Variants in SH3RF3 observed in about 807,000 individuals in gnomAD.
SH3RF3 encodes the protein SH3 domain containing ring finger 3.
Under a neutral mutation model 66.3 loss-of-function variants are expected in SH3RF3, and 29 were observed. The ratio of observed to expected loss-of-function variants is 0.44; its 90% CI spans 0.33 to 0.60. The LOEUF (loss-of-function observed/expected upper bound fraction) is 0.60, where lower values mean the gene tolerates loss of function less well. Among genes scored for constraint, SH3RF3 ranks in the 20% least tolerant of loss-of-function variants. The pLI, the probability that SH3RF3 is intolerant of heterozygous loss-of-function variation, is 0.04. For synonymous variants in SH3RF3, 583 were observed against 532.0 expected (o/e 1.10, Z -1.32); for missense variants, 1,194 against 1,190.9 (o/e 1.00, Z -0.04).
chr2:109,388,008 A>G (rs2104402222), intron 3 of SH3RF3, among the ~76,000 whole-genome samples: 1 of 152,256 alleles, frequency 6.6e-6, no homozygotes, highest in East Asian at 1.9e-4. Context: ...AGGAGTCGAC[A>G]GAAGCTTTGT....
chr2:109,312,236 G>T (rs143391432), intron 1 of SH3RF3, among the ~76,000 whole-genome samples: 184 of 152,190 alleles, frequency 1.2e-3, no homozygotes, highest in African/African-American at 4.1e-3. Flanking sequence ...AAGGCCAGAG[G>T]GACAAATGTA....
chr2:109,348,939 C>T (rs1433099253), intron 2 of SH3RF3, among the ~76,000 whole-genome samples: 2 of 152,204 alleles, frequency 1.3e-5, no homozygotes, highest in Non-Finnish European at 2.9e-5. Flanking sequence ...GTCGGCCTCA[C>T]TGTATTTTAG....
chr2:109,130,564 C>T (rs903390164), intron 1 of SH3RF3, among the ~76,000 whole-genome samples: 1 of 152,036 alleles, frequency 6.6e-6, no homozygotes, highest in African/African-American at 2.4e-5. Flanking sequence ...CTCCTGCCTG[C>T]GGTGTGGCTA....
At chr2:109,423,062 C>G (rs1320594760) in intron 5 of SH3RF3, among the ~76,000 whole-genome samples, 2 of 152,192 alleles carry the variant, frequency 1.3e-5, no homozygotes, top group African/African-American at 2.4e-5. Flanking sequence ...GAGAAGGAAA[C>G]TTCCACAGTC....
intron 2 of SH3RF3, among the ~76,000 whole-genome samples, chr2:109,353,936 G>A (rs929654955): frequency 6.6e-6 from 1 of 152,132 alleles, no homozygotes; most frequent in Non-Finnish European, 1.5e-5. Context: ...ACGTGAACAC[G>A]ATGGGAACAC....
At chr2:109,443,707 C>G (rs1389421101) in intron 7 of SH3RF3, among the ~76,000 whole-genome samples, 1 of 152,040 alleles carries the variant, frequency 6.6e-6, no homozygotes, top group African/African-American at 2.4e-5. Flanking sequence ...CATAACAGTT[C>G]TAAATATTTA....
chr2:109,206,228 C>T (rs556908033), intron 1 of SH3RF3, among the ~76,000 whole-genome samples: 18 of 152,168 alleles, frequency 1.2e-4, no homozygotes, highest in Admixed American at 5.2e-4. Context: ...CGGTGGCTCA[C>T]GCCTGTAATC....
chr2:109,332,361 C>T (rs1378801488), intron 1 of SH3RF3, among the ~76,000 whole-genome samples: 1 of 152,122 alleles, frequency 6.6e-6, no homozygotes, highest in Non-Finnish European at 1.5e-5. Flanking sequence ...GCACTTGCTC[C>T]TTCCTTCTCA....
intron 1 of SH3RF3, among the ~76,000 whole-genome samples, chr2:109,134,523 A>T (rs1676774498): frequency 6.6e-6 from 1 of 152,240 alleles, no homozygotes; most frequent in Non-Finnish European, 1.5e-5. Context: ...CCAGGTGTGA[A>T]TGAAGCCTCT....
intron 1 of SH3RF3, among the ~76,000 whole-genome samples, chr2:109,183,005 C>G (rs1406581906): frequency 6.6e-6 from 1 of 152,234 alleles, no homozygotes; most frequent in Non-Finnish European, 1.5e-5. Flanking sequence ...CAGAGCTCAT[C>G]ATCCTTCCAC....
chr2:109,183,033 T>C (rs1029370230), intron 1 of SH3RF3, among the ~76,000 whole-genome samples: 3 of 152,210 alleles, frequency 2.0e-5, no homozygotes, highest in African/African-American at 7.2e-5. Context: ...TGTCGTGAGA[T>C]GTATTTTCTA....
Position 109,129,789 on chromosome 2 carries a change from G to C in SH3RF3, c.249G>C (p.Glu83Asp), listed in dbSNP as rs552426115. The change falls in exon 1 of 10, where the codon GAG becomes GAC. Residue 83 changes from glutamate to aspartate, a missense_variant. Transcript: ENST00000309415. Reference sequence around the variant, plus strand: ...ACACTTTCTGCCGCCGCTGCCTGGAGAGCATCGTGTGCTCGCGCCACGAGC... The same window carrying C: ...ACACTTTCTGCCGCCGCTGCCTGGACAGCATCGTGTGCTCGCGCCACGAGC... ...CQHTFCRRCLESIVCSRHELR... is the reference protein window; with the variant it reads ...CQHTFCRRCLDSIVCSRHELR... The C allele has an allele frequency of 5.6e-5, 86 of 1,539,390 alleles. No homozygotes were observed. The highest frequency in any genetic ancestry group is 7.1e-5 in the Non-Finnish European group (81 of 1,145,476).
intron 7 of SH3RF3, among the ~76,000 whole-genome samples, chr2:109,447,984 TCTC>T (rs1314991625): frequency 6.6e-6 from 1 of 152,122 alleles, no homozygotes; most frequent in Non-Finnish European, 1.5e-5. Flanking sequence ...GTGGGCGGCT[TCTC>T]CTCCAGGCTG....
At position 109,178,691 on chromosome 2, in the gene SH3RF3, A is replaced by G. The variant is rs148457499; in HGVS notation, c.573+48578A>G. 4.6e-5 allele frequency among the ~76,000 whole-genome samples: 7 copies of G among 152,310 alleles called. No individual in the cohort carries two copies. The South Asian group carries it at 8.3e-4, about 18-fold the overall frequency. On this transcript the variant is annotated intron_variant, in intron 1 of 9. Coordinates refer to ENST00000309415, the MANE Select transcript of SH3RF3 (RefSeq NM_001099289.3). Reference sequence around the variant, plus strand: ...GTCCTCCCAGGAATTCACTTTGTCAAAGTTCTTGTGTCGTTCACATAGATC... The same window carrying G: ...GTCCTCCCAGGAATTCACTTTGTCAGAGTTCTTGTGTCGTTCACATAGATC...
chr2:109,169,523 T>G (rs1377052990), intron 1 of SH3RF3, among the ~76,000 whole-genome samples: 1 of 152,042 alleles, frequency 6.6e-6, no homozygotes, highest in East Asian at 1.9e-4. Flanking sequence ...TGGTCATGGG[T>G]CCATTTTCAT....
At chr2:109,315,580 T>C (rs980685484) in intron 1 of SH3RF3, among the ~76,000 whole-genome samples, 3 of 152,248 alleles carry the variant, frequency 2.0e-5, no homozygotes, top group African/African-American at 4.8e-5. Context: ...GTGCACTGTC[T>C]GTGCAGAACT....
intron 1 of SH3RF3, among the ~76,000 whole-genome samples, chr2:109,231,108 T>A (rs923437827): frequency 1.3e-5 from 2 of 152,374 alleles, no homozygotes; most frequent in East Asian, 1.9e-4. Flanking sequence ...GGAAGGAGGC[T>A]TAGGTGGCTT....
At chr2:109,375,514 A>G (rs1044450873) in intron 3 of SH3RF3, among the ~76,000 whole-genome samples, 10 of 152,026 alleles carry the variant, frequency 6.6e-5, no homozygotes, top group African/African-American at 2.2e-4. Context: ...ACTAAATCCA[A>G]ACACTCCACC....
rs143738172 is a variant in SH3RF3 at position 109,247,943 on chromosome 2, G to C, written c.574-99731G>C. On this transcript the variant is annotated intron_variant, in intron 1 of 9. Transcript: ENST00000309415. ...GCAACAAGAAAAGGCAGACTCCAAC[G>C]TGCAAGCGCTTTTTAAACCTCCATC... Among the ~76,000 whole-genome samples, 403 of 152,266 alleles carry C rather than the reference G, an allele frequency of 2.6e-3. 2 individuals carry two copies. The highest frequency in any genetic ancestry group is 9.3e-3 in the African/African-American group (387 of 41,552).
Sources: allele counts gnomAD v4.1 joint callset (sites outside exome capture counted in the v4.1 genomes callset), GRCh38; gene constraint gnomAD v4.1.1; transcripts MANE v1.5; gene names NCBI Gene and HGNC (gene_info 2026-07-23, HGNC 2026-07-21).